KMT2C: variants seen among roughly 807,000 people sequenced by gnomAD.
KMT2C encodes the protein histone-lysine N-methyltransferase 2C.
KMT2C carries 88 observed loss-of-function variants against 507.9 expected under a neutral mutation model. The ratio of observed to expected loss-of-function variants is 0.17; its 90% CI spans 0.15 to 0.21. The LOEUF is 0.21. Ranked by LOEUF, KMT2C falls within the 10% of genes least tolerant of loss-of-function variation. The pLI is 1.00. For synonymous variants in KMT2C, 2,049 were observed against 2,080.8 expected (o/e 0.98, Z 0.42); for missense variants, 4,954 against 5,957.8 (o/e 0.83, Z 5.55).
At chr7:152,357,624 C>G (rs1461436068) in intron 2 of KMT2C, among the ~76,000 whole-genome samples, 2 of 151,648 alleles carry the variant, frequency 1.3e-5, no homozygotes, top group Non-Finnish European at 2.9e-5. Context: ...AAAAAAAAAC[C>G]ATATGAAAAA....
At chr7:152,428,027 T>C (rs981426043) in intron 1 of KMT2C, among the ~76,000 whole-genome samples, 2 of 152,206 alleles carry the variant, frequency 1.3e-5, no homozygotes, top group African/African-American at 4.8e-5. Context: ...ATTACCACAG[T>C]GTTTTTTTAA....
chr7:152,237,729 G>T (rs1232743303), intron 15 of KMT2C, among the ~76,000 whole-genome samples: 4 of 152,142 alleles, frequency 2.6e-5, no homozygotes, highest in Non-Finnish European at 5.9e-5. Flanking sequence ...TCGAACTCCT[G>T]ACCTCAAGTG....
At chr7:152,339,311 T>A (rs1365607857) in intron 2 of KMT2C, among the ~76,000 whole-genome samples, 2 of 152,228 alleles carry the variant, frequency 1.3e-5, no homozygotes, top group Non-Finnish European at 2.9e-5. Context: ...ATTAAGAATG[T>A]AAGCAACAAG....
intron 31 of KMT2C, 86 bp downstream of exon 31, chr7:152,193,923 G>A: frequency 8.0e-7 from 1 of 1,253,770 alleles, no homozygotes. Context: ...TAAAGAATAG[G>A]GCAAAACTTG....
chr7:152,156,163 C>G, intron 45 of KMT2C, 42 bp downstream of exon 45: 2 of 1,607,320 alleles, frequency 1.2e-6, no homozygotes, highest in Non-Finnish European at 1.7e-6. Flanking sequence ...CTGGCAGAGG[C>G]ACATTTCTCC....
chr7:152,156,081 C>A (rs1454038172), intron 45 of KMT2C, 24 bp from the exon 46 acceptor site: 2 of 1,597,352 alleles, frequency 1.3e-6, no homozygotes, highest in South Asian at 2.3e-5. Context: ...AACACAAAAC[C>A]ATAAATACAT....
chr7:152,205,185 C>T lies in KMT2C; in HGVS notation c.3882G>A (p.Gly1294=), dbSNP rs776004967. ...TCACAGATCTTTTGGTTTTCCCTTG[C>T]CCAGTTCGACTTCTTTGCCGCACCA... The part of the protein sequence containing the change: ...GFMVRQRSRT[G]QGKTKRSVIR... Residue 1294 remains glycine, a synonymous_variant, in exon 25 of 59, where the codon GGG becomes GGA. Transcript: ENST00000262189. The T allele has an allele frequency of 1.2e-6, 2 of 1,610,926 alleles. No individual in the cohort carries two copies. Among genetic ancestry groups the T allele is most frequent in the East Asian group, 2.2e-5 (1 of 44,814 alleles).
chr7:152,401,645 C>A (rs557055190), intron 1 of KMT2C, among the ~76,000 whole-genome samples: 1,763 of 152,152 alleles, frequency 0.012, no homozygotes, highest in African/African-American at 0.041. Context: ...GAACCAAGAT[C>A]GCACCACTGC....
At chr7:152,180,666 T>C in intron 36 of KMT2C, 45 bp downstream of exon 36, 1 of 1,394,906 alleles carries the variant, frequency 7.2e-7, no homozygotes, top group Non-Finnish European at 9.9e-7. Flanking sequence ...ATGAACAGCT[T>C]CCTCAAATAA....
intron 31 of KMT2C, among the ~76,000 whole-genome samples, chr7:152,189,007 A>G (rs1235820596): frequency 6.6e-6 from 1 of 152,014 alleles, no homozygotes; most frequent in Non-Finnish European, 1.5e-5. Context: ...AAATACATAC[A>G]CTCTGGTTTT....
At chr7:152,373,480 C>T (rs1212983863) in intron 1 of KMT2C, among the ~76,000 whole-genome samples, 1 of 152,056 alleles carries the variant, frequency 6.6e-6, no homozygotes, top group Non-Finnish European at 1.5e-5. Context: ...TCCCACTGAA[C>T]AAAATAATAA....
At position 152,151,474 on chromosome 7, in the gene KMT2C, T is replaced by C; in HGVS notation, c.12634A>G (p.Lys4212Glu). The C allele has an allele frequency of 6.2e-7, 1 of 1,614,138 alleles. No homozygotes were observed. ...AAAAGGGTCAGATCTTTGAAAGATTTCCGCACACCACTTCCAAGAATAACC... is the reference window on the plus strand; with the variant it reads ...AAAAGGGTCAGATCTTTGAAAGATTCCCGCACACCACTTCCAAGAATAACC... ...KVVILGSGVRKSFKDLTLLNK... is the reference protein window; with the variant it reads ...KVVILGSGVRESFKDLTLLNK... Residue 4212 changes from lysine (K) to glutamate (E), a missense_variant, in exon 50 of 59, where the codon AAA (lysine) becomes GAA (glutamate). By Grantham distance (56) the Lys-to-Glu change is moderately conservative. This residue lies in a region of KMT2C where 417 missense variants were observed against 461.1 expected (regional missense o/e 0.90). Coordinates refer to ENST00000262189, the MANE Select transcript of KMT2C (RefSeq NM_170606.3).
chr7:152,196,012 CTAAA>C lies in KMT2C; in HGVS notation c.4274-5_4274-2del. ...TCAGCTAATGGGTCATCAGCAGGAC[CTAAA>C]TATAGTAAATATGTTTTTTAAAATT... is the stretch of plus-strand genomic sequence containing the variant. On this transcript the variant is annotated splice_acceptor_variant and splice_polypyrimidine_tract_variant and intron_variant, in intron 27 of 58. Coordinates refer to ENST00000262189, the MANE Select transcript of KMT2C (RefSeq NM_170606.3). LOFTEE classifies it high-confidence loss of function. 6.5e-7 allele frequency: 1 copy of C among 1,530,022 alleles called. No homozygotes were observed. Among genetic ancestry groups the C allele is most frequent in the South Asian group, 1.2e-5 (1 of 84,158 alleles). 94.8% of individuals were successfully genotyped at this position (1,530,022 alleles called of 1,614,324 possible). A position where few individuals can be genotyped will look rare whatever the true frequency, so the allele number is the denominator to read the frequency against.
At chr7:152,332,546 A>C (rs930940258) in intron 2 of KMT2C, among the ~76,000 whole-genome samples, 2 of 152,058 alleles carry the variant, frequency 1.3e-5, no homozygotes, top group African/African-American at 4.8e-5. Flanking sequence ...CCAGCCTCCT[A>C]TTATAACAAT....
chr7:152,264,153 T>C (rs2095825102), intron 8 of KMT2C, among the ~76,000 whole-genome samples: 1 of 152,206 alleles, frequency 6.6e-6, no homozygotes, highest in Non-Finnish European at 1.5e-5. Flanking sequence ...GTTTACTGAA[T>C]ATTTTATCTA....
Position 152,135,939 on chromosome 7 carries a change from AT to A in KMT2C, c.*892del, listed in dbSNP as rs773818306. 7.8e-5 allele frequency: 18 copies of A among 229,390 alleles called. No individual in the cohort carries two copies. In the South Asian group the frequency reaches 2.0e-3, roughly 26 times the overall value. 14.2% of individuals were successfully genotyped at this position (229,390 alleles called of 1,614,324 possible). On this transcript the variant is annotated 3_prime_UTR_variant, in exon 59 of 59. Coordinates refer to ENST00000262189, the MANE Select transcript of KMT2C (RefSeq NM_170606.3). Reference sequence around the variant, plus strand: ...GGTTATTACATAATTATAATGGCATATTTTATAACACAAAATTATATTGTAA... The same window carrying A: ...GGTTATTACATAATTATAATGGCATATTTATAACACAAAATTATATTGTAA...
intron 3 of KMT2C, among the ~76,000 whole-genome samples, chr7:152,327,201 T>G (rs1416395845): frequency 6.6e-6 from 1 of 152,242 alleles, no homozygotes; most frequent in Non-Finnish European, 1.5e-5. Flanking sequence ...GGATAGCCAA[T>G]TATTGAGTGA....
chr7:152,375,202 C>G (rs1307548270), intron 1 of KMT2C, among the ~76,000 whole-genome samples: 4 of 152,112 alleles, frequency 2.6e-5, no homozygotes, highest in Admixed American at 1.3e-4. Context: ...GCCACCACAC[C>G]CAGCTGATTT....
intron 3 of KMT2C, among the ~76,000 whole-genome samples, chr7:152,316,629 G>A (rs976749016): frequency 3.3e-5 from 5 of 151,990 alleles, no homozygotes; most frequent in Non-Finnish European, 7.4e-5. Flanking sequence ...TACATATCTT[G>A]CATTACCAGG....
Sources: allele counts gnomAD v4.1 joint callset (sites outside exome capture counted in the v4.1 genomes callset), GRCh38; gene constraint gnomAD v4.1.1; regional missense constraint gnomAD v4.1.1; transcripts MANE v1.5; gene names NCBI Gene and HGNC (gene_info 2026-07-23, HGNC 2026-07-21).